EPSTI1: variants seen among roughly 807,000 people sequenced by gnomAD.
EPSTI1 encodes epithelial stromal interaction 1.
In EPSTI1, 66 loss-of-function variants were observed where a neutral mutation model predicts 49.9. That is an observed-to-expected ratio of 1.32 (90% CI 1.08 to 1.62). EPSTI1 has a LOEUF of 1.62. EPSTI1 is among the 40% of genes most tolerant of loss of function. The pLI, the probability that EPSTI1 is intolerant of heterozygous loss-of-function variation, is 0.00. For missense variants in EPSTI1, 394 were observed against 365.5 expected, an observed-to-expected ratio of 1.08 and a Z score of -0.64; for synonymous variants, 137 against 130.7, an observed-to-expected ratio of 1.05 and a Z score of -0.33.
chr13:42,976,331 C>T (rs2039881561), intron 1 of EPSTI1, among the ~76,000 whole-genome samples: 1 of 152,146 alleles, frequency 6.6e-6, no homozygotes, highest in South Asian at 2.1e-4. Flanking sequence ...GGTCTTTGTC[C>T]TGGGAGAACA....
chr13:42,928,157 G>A (rs1013853938), intron 6 of EPSTI1, among the ~76,000 whole-genome samples: 2 of 152,168 alleles, frequency 1.3e-5, no homozygotes, highest in Non-Finnish European at 2.9e-5. Context: ...AGGACTGCCA[G>A]AGGAATACAG....
chr13:42,968,882 C>A (rs2153432829), intron 3 of EPSTI1, among the ~76,000 whole-genome samples: 1 of 139,580 alleles, frequency 7.2e-6, no homozygotes, highest in African/African-American at 2.7e-5. Context: ...TCTGGCATTA[C>A]AGGTTTGCTA....
intron 8 of EPSTI1, among the ~76,000 whole-genome samples, chr13:42,913,043 T>C (rs1481679527): frequency 6.6e-6 from 1 of 151,170 alleles, no homozygotes; most frequent in Non-Finnish European, 1.5e-5. Context: ...CTATGCAAGA[T>C]TAGAAACAAA....
chr13:42,921,051 G>T (rs1029093897), intron 7 of EPSTI1, among the ~76,000 whole-genome samples: 59 of 152,108 alleles, frequency 3.9e-4, no homozygotes, highest in African/African-American at 1.3e-3. Context: ...GATAAATCCG[G>T]GAGGTCTACA....
intron 6 of EPSTI1, among the ~76,000 whole-genome samples, chr13:42,932,787 C>T (rs1428044124): frequency 6.6e-6 from 1 of 152,132 alleles, no homozygotes; most frequent in Non-Finnish European, 1.5e-5. Context: ...ACCACCTTAC[C>T]AAATGATCCA....
At chr13:42,944,666 G>A (rs534476373) in intron 6 of EPSTI1, among the ~76,000 whole-genome samples, 1 of 152,154 alleles carries the variant, frequency 6.6e-6, no homozygotes, top group South Asian at 2.1e-4. Flanking sequence ...ATTAAAGTAT[G>A]ATAAAAAATA....
intron 5 of EPSTI1, among the ~76,000 whole-genome samples, chr13:42,956,568 T>G (rs1413343661): frequency 1.3e-5 from 2 of 152,188 alleles, no homozygotes; most frequent in Non-Finnish European, 2.9e-5. Flanking sequence ...CTGCAGCTTG[T>G]GGCTGCTTTA....
chr13:42,940,459 G>A (rs1383684108), intron 6 of EPSTI1, among the ~76,000 whole-genome samples: 1 of 152,170 alleles, frequency 6.6e-6, no homozygotes, highest in Non-Finnish European at 1.5e-5. Context: ...TTGTCAGCTT[G>A]TCTATTTTCC....
chr13:42,906,580 C>A (rs2037505801), intron 8 of EPSTI1, among the ~76,000 whole-genome samples: 1 of 152,166 alleles, frequency 6.6e-6, no homozygotes, highest in Non-Finnish European at 1.5e-5. Context: ...TTCAAGAATG[C>A]CTTCCTTTGA....
chr13:42,963,608 ATGTGTGTGTGG>A (rs1326147555), intron 4 of EPSTI1: 2 of 474,826 alleles, frequency 4.2e-6, no homozygotes, highest in Non-Finnish European at 7.4e-6. Flanking sequence ...CTCTGTGTGT[ATGTGTGTGTGG>A]TGTGTGTGTG....
intron 2 of EPSTI1, 131 bp from the exon 3 acceptor site, chr13:42,969,308 G>T: frequency 1.2e-6 from 1 of 862,784 alleles, no homozygotes; most frequent in Non-Finnish European, 1.8e-6. Flanking sequence ...AAGGCTTCCA[G>T]GTTAGAAACA....
chr13:42,914,717 G>T (rs2037781696), intron 8 of EPSTI1, among the ~76,000 whole-genome samples: 1 of 152,152 alleles, frequency 6.6e-6, no homozygotes, highest in African/African-American at 2.4e-5. Flanking sequence ...AATCAAGGAA[G>T]GGGTTAGCTG....
At chr13:42,976,483 A>G (rs192866013) in intron 1 of EPSTI1, among the ~76,000 whole-genome samples, 23 of 152,356 alleles carry the variant, frequency 1.5e-4, no homozygotes, top group Admixed American at 1.2e-3. Flanking sequence ...ATTTAGTATT[A>G]ACATTCATAT....
intron 1 of EPSTI1, among the ~76,000 whole-genome samples, chr13:42,973,688 C>T (rs1346304217): frequency 6.6e-6 from 1 of 152,152 alleles, no homozygotes; most frequent in Non-Finnish European, 1.5e-5. Flanking sequence ...TTAATGTTTT[C>T]AGCCAATTAG....
In EPSTI1 at chr13:42,948,309, T is replaced by C. The variant is rs548183697; in HGVS notation, c.563+5639A>G. Reference sequence around the variant, plus strand: ...AGCCATGGCAAGGGCTCCAGGTGCCTGCAGAGCAGAGGCTTGCTTGTCCTT... The same window carrying C: ...AGCCATGGCAAGGGCTCCAGGTGCCCGCAGAGCAGAGGCTTGCTTGTCCTT... On this transcript the variant is annotated intron_variant, in intron 6 of 10. Transcript: ENST00000313624. Among the ~76,000 whole-genome samples, 3 of 152,256 alleles carry C rather than the reference T, an allele frequency of 2.0e-5. No homozygotes were observed. The South Asian group carries it at 6.2e-4, about 32-fold the overall frequency.
intron 6 of EPSTI1, among the ~76,000 whole-genome samples, chr13:42,952,208 C>T (rs931368342): frequency 1.3e-5 from 2 of 152,216 alleles, no homozygotes; most frequent in Admixed American, 1.3e-4. Flanking sequence ...CCCCAGCCAG[C>T]AGCGGCAACC....
chr13:42,981,689 C>CT (rs2039989903), intron 1 of EPSTI1, among the ~76,000 whole-genome samples: 1 of 152,170 alleles, frequency 6.6e-6, no homozygotes, highest in South Asian at 2.1e-4. Context: ...TTCATCCACT[C>CT]TGTCTCTTCT....
Position 42,970,683 on chromosome 13 carries a change from G to GA in EPSTI1, c.189-14dup, listed in dbSNP as rs66702221. ...GTATGCACTTGTGCTAAAAGGAAGAGAAAAAAAAATGCTTATTACCATGAG... is the reference window on the plus strand; with the variant it reads ...GTATGCACTTGTGCTAAAAGGAAGAGAAAAAAAAAATGCTTATTACCATGAG... On this transcript the variant is annotated splice_polypyrimidine_tract_variant and intron_variant, in intron 1 of 10. Coordinates refer to ENST00000313624, the MANE Select transcript of EPSTI1 (RefSeq NM_033255.5). The GA allele has an allele frequency of 1.7e-4, 261 of 1,574,968 alleles. No individual in the cohort carries two copies. The highest frequency in any genetic ancestry group is 3.6e-4 in the African/African-American group (26 of 72,676).
Position 42,888,435 on chromosome 13 carries a change from G to A in EPSTI1, c.*59C>T. 6.2e-7 allele frequency: 1 copy of A among 1,614,034 alleles called. No homozygotes were observed. Among genetic ancestry groups the A allele is most frequent in the Non-Finnish European group, 8.5e-7 (1 of 1,179,948 alleles). ...CTGAACAAAATCACATTAAGAAAAAGCATCTCATGAGGCTTTTCGAGGTCA... is the reference window on the plus strand; with the variant it reads ...CTGAACAAAATCACATTAAGAAAAAACATCTCATGAGGCTTTTCGAGGTCA... On this transcript the variant is annotated 3_prime_UTR_variant, in exon 11 of 11. Transcript: ENST00000313624.
Sources: gnomAD v4.1 joint callset for allele counts (sites outside exome capture counted in the v4.1 genomes callset) on GRCh38, gnomAD v4.1.1 for gene constraint, MANE v1.5 for transcripts, NCBI Gene and HGNC (gene_info 2026-07-23, HGNC 2026-07-21) for gene names.